KANSL1L: variants seen among roughly 807,000 people sequenced by gnomAD.
KANSL1L encodes the protein KAT8 regulatory NSL complex subunit 1-like protein.
In KANSL1L, 25 loss-of-function variants were observed where a neutral mutation model predicts 108.6. The ratio of observed to expected loss-of-function variants is 0.23; its 90% CI spans 0.17 to 0.32. The LOEUF is 0.32. Among genes scored for constraint, KANSL1L ranks in the 10% least tolerant of loss-of-function variants. KANSL1L has a pLI of 1.00. For missense variants in KANSL1L, 1,137 were observed against 1,125.7 expected (o/e 1.01, Z -0.14); for synonymous variants, 405 against 395.1 (o/e 1.03, Z -0.30).
chr2:210,136,329 T>G (rs1351460837), intron 2 of KANSL1L, among the ~76,000 whole-genome samples: 1 of 152,162 alleles, frequency 6.6e-6, no homozygotes, highest in Non-Finnish European at 1.5e-5. Flanking sequence ...TGGGAAATAT[T>G]TATGCATTCT....
chr2:210,170,446 C>T, intron 1 of KANSL1L: 1 of 945,128 alleles, frequency 1.1e-6, no homozygotes, highest in Non-Finnish European at 1.3e-6. Flanking sequence ...AGCCTCTTTC[C>T]TTTCCTGTGG....
intron 2 of KANSL1L, among the ~76,000 whole-genome samples, chr2:210,144,463 A>C (rs1270305128): frequency 6.6e-6 from 1 of 152,146 alleles, no homozygotes; most frequent in Non-Finnish European, 1.5e-5. Flanking sequence ...TCTGTTGAGG[A>C]TATCCCATAA....
intron 12 of KANSL1L, among the ~76,000 whole-genome samples, chr2:210,026,700 T>C (rs1365599265): frequency 6.6e-6 from 1 of 152,228 alleles, no homozygotes; most frequent in Non-Finnish European, 1.5e-5. Context: ...TAATTAATAC[T>C]GACAATGAAT....
intron 1 of KANSL1L, among the ~76,000 whole-genome samples, chr2:210,167,002 CAGAG>C (rs1381955611): frequency 4.0e-5 from 6 of 151,724 alleles, no homozygotes; most frequent in Non-Finnish European, 5.9e-5. Flanking sequence ...GCCTGGGTGA[CAGAG>C]AGACACTGTC....
Position 210,043,970 on chromosome 2 carries a change from G to T in KANSL1L, c.1890C>A (p.Ser630=). 1 of 1,598,652 alleles carries T rather than the reference G, an allele frequency of 6.3e-7. No individual in the cohort carries two copies. The highest frequency in any genetic ancestry group is 8.5e-7 in the Non-Finnish European group (1 of 1,172,662). ...GCAATGATAGAACAGAATGGAAAGA[G>T]GAATCTAACTCTGATACATGTTCTC... is the stretch of plus-strand genomic sequence containing the variant. ...LLREHVSELD[S]SFHSVLSLPS... The change falls in exon 7 of 15, where the codon TCC becomes TCA. Residue 630 remains serine, a synonymous_variant. Transcript: ENST00000281772.
intron 1 of KANSL1L, among the ~76,000 whole-genome samples, chr2:210,155,522 G>A (rs959528134): frequency 4.6e-5 from 7 of 152,086 alleles, no homozygotes; most frequent in Admixed American, 3.9e-4. Context: ...TCCTCTAAAC[G>A]TATCTGCAAT....
At chr2:210,142,779 C>G (rs1436419684) in intron 2 of KANSL1L, among the ~76,000 whole-genome samples, 1 of 152,006 alleles carries the variant, frequency 6.6e-6, no homozygotes, top group Admixed American at 6.6e-5. Context: ...CCTCCTGTTA[C>G]TGATTTCTAA....
intron 1 of KANSL1L, among the ~76,000 whole-genome samples, chr2:210,162,186 C>G (rs1264838895): frequency 7.3e-6 from 1 of 136,188 alleles, no homozygotes; most frequent in Non-Finnish European, 1.6e-5. Flanking sequence ...TTATTTATTA[C>G]TGTCTAATAT....
At chr2:210,055,781 T>G (rs1316583981) in intron 6 of KANSL1L, among the ~76,000 whole-genome samples, 1 of 152,154 alleles carries the variant, frequency 6.6e-6, no homozygotes, top group Non-Finnish European at 1.5e-5. Flanking sequence ...GGAAGAAATT[T>G]CTAAGTGGCA....
chr2:210,161,356 A>G (rs2095360381), intron 1 of KANSL1L, among the ~76,000 whole-genome samples: 1 of 152,144 alleles, frequency 6.6e-6, no homozygotes, highest in Non-Finnish European at 1.5e-5. Flanking sequence ...ATATCATTCT[A>G]AACTAATTGG....
intron 6 of KANSL1L, among the ~76,000 whole-genome samples, chr2:210,069,959 G>T (rs1456419471): frequency 6.7e-6 from 1 of 150,236 alleles, no homozygotes; most frequent in East Asian, 2.0e-4. Flanking sequence ...CTCCCGAGTA[G>T]CTGGGATTAC....
chr2:210,130,846 T>A (rs1283971514), intron 2 of KANSL1L, among the ~76,000 whole-genome samples: 1 of 104 alleles, frequency 9.6e-3, no homozygotes, highest in Non-Finnish European at 0.031. Context: ...TGGTAACAAT[T>A]TTTTTTTTTT....
chr2:210,135,280 T>C (rs1211126030), intron 2 of KANSL1L, among the ~76,000 whole-genome samples: 1 of 152,184 alleles, frequency 6.6e-6, no homozygotes, highest in Non-Finnish European at 1.5e-5. Context: ...CTTTGGGTTA[T>C]CATCCTTGAG....
chr2:210,154,661 G>A, intron 1 of KANSL1L, 50 bp from the exon 2 acceptor site: 1 of 1,207,852 alleles, frequency 8.3e-7, no homozygotes, highest in East Asian at 2.7e-5. Flanking sequence ...AAAATTTTAT[G>A]CTTATACTTT....
intron 3 of KANSL1L, among the ~76,000 whole-genome samples, chr2:210,110,566 T>C (rs917887389): frequency 2.0e-5 from 3 of 152,136 alleles, no homozygotes; most frequent in African/African-American, 2.4e-5. Flanking sequence ...AAGCAGAATA[T>C]GGTCAAAGAC....
At chr2:210,144,126 T>C (rs1349868099) in intron 2 of KANSL1L, among the ~76,000 whole-genome samples, 2 of 152,196 alleles carry the variant, frequency 1.3e-5, no homozygotes, top group Admixed American at 6.5e-5. Flanking sequence ...TTTCTTATTT[T>C]CAGCACTTTG....
chr2:210,138,538 G>C (rs1178381278), intron 2 of KANSL1L, among the ~76,000 whole-genome samples: 2 of 152,122 alleles, frequency 1.3e-5, no homozygotes, highest in Non-Finnish European at 2.9e-5. Context: ...AATAATATTT[G>C]CAGTGTTTAG....
At chr2:210,077,513 C>T (rs568473160) in intron 5 of KANSL1L, among the ~76,000 whole-genome samples, 3 of 151,810 alleles carry the variant, frequency 2.0e-5, no homozygotes, top group South Asian at 2.1e-4. Context: ...AGAAGTGAGT[C>T]GAGGTCAAGA....
At chr2:210,096,785 T>G (rs2094739907) in intron 5 of KANSL1L, 3 of 954,918 alleles carry the variant, frequency 3.1e-6, no homozygotes, top group Non-Finnish European at 3.7e-6. Context: ...GAATATAAAG[T>G]CGAGAAAAAA....
Sources: gnomAD v4.1 joint callset for allele counts (sites outside exome capture counted in the v4.1 genomes callset) on GRCh38, gnomAD v4.1.1 for gene constraint, MANE v1.5 for transcripts, NCBI Gene and HGNC (gene_info 2026-07-23, HGNC 2026-07-21) for gene names.